The following SRRM4 variants were observed in gnomAD, a reference collection of about 807,000 sequenced individuals.
SRRM4 encodes serine/arginine repetitive matrix 4, also known as serine/arginine repetitive matrix protein 4.
SRRM4 carries 33 observed loss-of-function variants against 68.9 expected under a neutral mutation model. That is an observed-to-expected ratio of 0.48 (90% CI 0.36 to 0.64). The LOEUF (loss-of-function observed/expected upper bound fraction) is 0.64, where lower values mean the gene tolerates loss of function less well. Among genes scored for constraint, SRRM4 ranks in the 30% least tolerant of loss-of-function variants. The probability of loss-of-function intolerance (pLI) is 0.00; values close to 1 mark genes in which losing one functional copy is unlikely to be tolerated. For missense variants in SRRM4, 817 were observed against 827.1 expected (o/e 0.99, Z 0.15); for synonymous variants, 318 against 318.8 (o/e 1.00, Z 0.03).
intron 1 of SRRM4, among the ~76,000 whole-genome samples, chr12:119,099,073 C>T (rs1281648610): frequency 1.3e-5 from 2 of 152,152 alleles, no homozygotes; most frequent in Non-Finnish European, 2.9e-5. Context: ...CTTCCCATGA[C>T]CTGATCTCTG....
intron 3 of SRRM4, among the ~76,000 whole-genome samples, chr12:119,116,066 C>T (rs192008506): frequency 2.0e-5 from 3 of 152,298 alleles, no homozygotes; most frequent in African/African-American, 4.8e-5. Context: ...CCCACAGTCC[C>T]CACTACTCCC....
chr12:119,141,230 AC>A (rs1295734453), intron 8 of SRRM4, among the ~76,000 whole-genome samples: 4 of 152,238 alleles, frequency 2.6e-5, no homozygotes, highest in Non-Finnish European at 5.9e-5. Flanking sequence ...GGCGTGAGCC[AC>A]CATGCTCGGT....
intron 4 of SRRM4, among the ~76,000 whole-genome samples, chr12:119,117,861 G>A (rs546010014): frequency 1.3e-5 from 2 of 152,228 alleles, no homozygotes; most frequent in African/African-American, 2.4e-5. Flanking sequence ...GCAGTGAGCC[G>A]AGATCGCTCC....
chr12:118,982,671 TTTTTTTTG>T (rs1349709461), intron 1 of SRRM4, among the ~76,000 whole-genome samples: 60 of 77,730 alleles, frequency 7.7e-4, no homozygotes, highest in African/African-American at 2.2e-3. Context: ...TTTATTTTGT[TTTTTTTTG>T]TTTTTTTTTT....
rs557645827 is a variant in SRRM4 at position 119,098,097 on chromosome 12, G to A, written c.132-4139G>A. Among the ~76,000 whole-genome samples, 26 of 152,278 alleles carry A rather than the reference G, an allele frequency of 1.7e-4. No homozygotes were observed. The South Asian group carries it at 2.5e-3, about 15-fold the overall frequency. On this transcript the variant is annotated intron_variant, in intron 1 of 12. Transcript: ENST00000267260. ...TTGCTCTCTTGGATTGATCATTGTC[G>A]GGGAAGCCAGCCGCCATGTTGTGAG...
chr12:119,114,421 G>C (rs1954164712), intron 3 of SRRM4, 57 bp downstream of exon 3: 2 of 1,431,686 alleles, frequency 1.4e-6, no homozygotes, highest in South Asian at 2.5e-5. Flanking sequence ...ACAAAATATG[G>C]GTTTCAAAGT....
intron 1 of SRRM4, among the ~76,000 whole-genome samples, chr12:119,059,599 G>T (rs1163222900): frequency 1.3e-5 from 2 of 152,168 alleles, no homozygotes; most frequent in African/African-American, 2.4e-5. Context: ...ACATTGTAGG[G>T]TGAAAGTTGA....
chr12:119,156,432 G>A, intron 12 of SRRM4, 63 bp from the exon 13 acceptor site: 1 of 1,505,606 alleles, frequency 6.6e-7, no homozygotes, highest in East Asian at 2.4e-5. Context: ...GACAAGACTG[G>A]GGCTCGCTGC....
chr12:119,156,836 G>A lies in SRRM4; in HGVS notation c.*38G>A. On this transcript the variant is annotated 3_prime_UTR_variant, in exon 13 of 13. Coordinates refer to ENST00000267260, the MANE Select transcript of SRRM4 (RefSeq NM_194286.4). ...CAGCTGCCCGTGGGGGCCCCTTCGC[G>A]CTGCCAGCCTCCCCCAACCACCTGC... 3 of 1,482,556 alleles carry A rather than the reference G, an allele frequency of 2.0e-6. No homozygotes were observed. The highest frequency in any genetic ancestry group is 2.7e-6 in the Non-Finnish European group (3 of 1,119,512). 91.8% of individuals were successfully genotyped at this position (1,482,556 alleles called of 1,614,324 possible).
chr12:119,093,330 C>T (rs1461939349), intron 1 of SRRM4, among the ~76,000 whole-genome samples: 3 of 152,154 alleles, frequency 2.0e-5, no homozygotes, highest in African/African-American at 4.8e-5. Context: ...AATAAGTGAA[C>T]GGTCCTTGGA....
At position 119,062,258 on chromosome 12, in the gene SRRM4, G is replaced by A. The variant is rs146603964; in HGVS notation, c.132-39978G>A. ...ATAGGGCACTTGCTGGAGATTTCAGGGCTGGGAGTTGCTCCTGGTGAGCCA... is the reference window on the plus strand; with the variant it reads ...ATAGGGCACTTGCTGGAGATTTCAGAGCTGGGAGTTGCTCCTGGTGAGCCA... On this transcript the variant is annotated intron_variant, in intron 1 of 12. Transcript: ENST00000267260. 3.8e-3 allele frequency among the ~76,000 whole-genome samples: 586 copies of A among 152,334 alleles called. 3 individuals carry two copies. The highest frequency in any genetic ancestry group is 0.014 in the African/African-American group (567 of 41,578).
intron 1 of SRRM4, among the ~76,000 whole-genome samples, chr12:119,093,466 G>T (rs1954026322): frequency 6.6e-6 from 1 of 152,072 alleles, no homozygotes; most frequent in South Asian, 2.1e-4. Context: ...TGTTTGCTTA[G>T]TCTTTCTTCT....
At chr12:119,129,901 A>G (rs1403629978) in intron 7 of SRRM4, among the ~76,000 whole-genome samples, 1 of 150,368 alleles carries the variant, frequency 6.7e-6, no homozygotes, top group African/African-American at 2.4e-5. Context: ...GGATGGATGG[A>G]TGGATGGATG....
chr12:119,018,670 A>G (rs1216453734), intron 1 of SRRM4, among the ~76,000 whole-genome samples: 1 of 152,236 alleles, frequency 6.6e-6, no homozygotes, highest in Non-Finnish European at 1.5e-5. Flanking sequence ...ATACCTGAAG[A>G]AAAAGAACAG....
At chr12:119,012,291 G>T (rs1953454502) in intron 1 of SRRM4, among the ~76,000 whole-genome samples, 1 of 152,166 alleles carries the variant, frequency 6.6e-6, no homozygotes, top group Non-Finnish European at 1.5e-5. Flanking sequence ...CCCATGGGGG[G>T]ATGGAAACGC....
chr12:119,116,869 G>A (rs147389264), intron 3 of SRRM4, 68 bp from the exon 4 acceptor site: 1 of 1,397,910 alleles, frequency 7.2e-7, no homozygotes, highest in East Asian at 2.3e-5. Context: ...ACTGGGGAAG[G>A]TTCTTTTTGA....
At chr12:119,155,027 C>T (rs1954463573) in intron 12 of SRRM4, among the ~76,000 whole-genome samples, 1 of 152,174 alleles carries the variant, frequency 6.6e-6, no homozygotes, top group South Asian at 2.1e-4. Flanking sequence ...TCAGTTTTCT[C>T]ACCCATGAGA....
chr12:119,135,032 A>G (rs1404662510), intron 8 of SRRM4, among the ~76,000 whole-genome samples: 1 of 152,188 alleles, frequency 6.6e-6, no homozygotes, highest in African/African-American at 2.4e-5. Context: ...TGCAATTATT[A>G]TCACCATTTC....
rs187748179 is a variant in SRRM4 at position 119,062,266 on chromosome 12, G to A, written c.132-39970G>A. 2.4e-4 allele frequency among the ~76,000 whole-genome samples: 36 copies of A among 152,342 alleles called. 1 individual carries two copies. The highest frequency in any genetic ancestry group is 9.8e-4 in the Admixed American group (15 of 15,300). ...CTTGCTGGAGATTTCAGGGCTGGGA[G>A]TTGCTCCTGGTGAGCCAGGGAGAGA... On this transcript the variant is annotated intron_variant, in intron 1 of 12. Transcript: ENST00000267260.
Sources: allele counts gnomAD v4.1 joint callset (sites outside exome capture counted in the v4.1 genomes callset), GRCh38; gene constraint gnomAD v4.1.1; transcripts MANE v1.5; gene names NCBI Gene and HGNC (gene_info 2026-07-23, HGNC 2026-07-21).